KIFC3: variants seen among roughly 807,000 people sequenced by gnomAD.
The protein encoded by KIFC3 is kinesin-like protein KIFC3.
A neutral mutation model predicts 101.8 loss-of-function variants in KIFC3; 60 were observed. The observed-to-expected ratio is 0.59, with a 90% CI of 0.48 to 0.73. The LOEUF is 0.73. Among genes scored for constraint, KIFC3 ranks in the 30% least tolerant of loss-of-function variants. The pLI is 0.00. For missense variants in KIFC3, 966 were observed against 1,137.1 expected, an observed-to-expected ratio of 0.85 and a Z score of 2.16; for synonymous variants, 476 against 482.7, an observed-to-expected ratio of 0.99 and a Z score of 0.18.
rs879948067 is a variant in KIFC3, at chr16:57,829,248, CTTTG to C, written c.109-30970_109-30967del. Among the ~76,000 whole-genome samples the C allele has an allele frequency of 4.0e-5, 6 of 151,670 alleles. No homozygotes were observed. The South Asian group carries it at 6.2e-4, about 16-fold the overall frequency. ...TTTAGTTTTTAAAATTAAGAATAACCTTTGTTTGTTTGTTTGTTTTTTGGAGACA... is the reference window on the plus strand; with the variant it reads ...TTTAGTTTTTAAAATTAAGAATAACCTTTGTTTGTTTGTTTTTTGGAGACA... On this transcript the variant is annotated intron_variant, in intron 1 of 2. Transcript: ENST00000563028.
chr16:57,764,275 T>TGGGGGGGGGGGGGGGGGGGTGGGG, intron 11 of KIFC3, 28 bp from the exon 12 acceptor site: 1 of 539,936 alleles, frequency 1.9e-6, no homozygotes, highest in Non-Finnish European at 3.5e-6. Flanking sequence ...GGGAGGCTGG[T>TGGGGGGGGGGGGGGGGGGGTGGGG]GGGGGGGCTT....
intron 19 of KIFC3, 75 bp from the exon 20 acceptor site, chr16:57,758,984 G>A: frequency 1.3e-6 from 2 of 1,541,316 alleles, no homozygotes. Context: ...ACCGAGAGCA[G>A]GAGGGAACCC....
chr16:57,770,899 G>C (rs1282963143), intron 6 of KIFC3, among the ~76,000 whole-genome samples, 199 bp from the exon 7 acceptor site: 2 of 152,156 alleles, frequency 1.3e-5, no homozygotes, highest in Non-Finnish European at 2.9e-5. Context: ...TTAACAAGAG[G>C]CTACTATGAG....
At chr16:57,821,273 C>T (rs1057318476) in intron 1 of KIFC3, among the ~76,000 whole-genome samples, 6 of 151,952 alleles carry the variant, frequency 3.9e-5, no homozygotes, top group African/African-American at 7.3e-5. Flanking sequence ...ATTGGGAGAG[C>T]GAAGAGGGGT....
intron 1 of KIFC3, among the ~76,000 whole-genome samples, chr16:57,842,558 A>T (rs549004080): frequency 1.3e-5 from 2 of 152,346 alleles, no homozygotes; most frequent in East Asian, 3.9e-4. Flanking sequence ...ATAATAATTC[A>T]ATAATTCAAT....
chr16:57,828,764 A>G (rs985951245), intron 1 of KIFC3, among the ~76,000 whole-genome samples: 8 of 152,088 alleles, frequency 5.3e-5, no homozygotes, highest in African/African-American at 1.9e-4. Flanking sequence ...CCCACTCCCT[A>G]CAGGAGGCAC....
In KIFC3 at chr16:57,765,658, G is replaced by A; in HGVS notation, c.1331-18C>T. On this transcript the variant is annotated intron_variant, in intron 10 of 19. Coordinates refer to ENST00000445690, the MANE Select transcript of KIFC3 (RefSeq NM_001130100.2). ...GATGTTCCCTGGATTGGTTGGGGAT[G>A]GGGAAATGGGTCCAGGCCATGTCAA... The A allele has an allele frequency of 6.2e-7, 1 of 1,600,174 alleles. No homozygotes were observed. Among genetic ancestry groups the A allele is most frequent in the African/African-American group, 1.3e-5 (1 of 74,926 alleles).
intron 9 of KIFC3, among the ~76,000 whole-genome samples, chr16:57,768,989 A>G (rs1251042277): frequency 2.0e-5 from 3 of 152,160 alleles, no homozygotes; most frequent in Non-Finnish European, 4.4e-5. Context: ...CAACATAATG[A>G]ACCCTGTCTC....
At chr16:57,815,604 A>C in intron 1 of KIFC3, 1 of 1,289,816 alleles carries the variant, frequency 7.8e-7, no homozygotes, top group African/African-American at 1.5e-5. Context: ...GTGCCCCCAC[A>C]TGGCTGCTGC....
At chr16:57,802,939 A>G, upstream of KIFC3, 1 of 1,529,318 alleles carries the variant, frequency 6.5e-7, no homozygotes, top group East Asian at 2.4e-5. This position sits in a 1 kb window ranked among gnomAD's most constrained non-coding sequence, Gnocchi z 5.0. Context: ...CCATCCCAAC[A>G]CACACACAAG....
At chr16:57,838,202 C>T (rs2055734991) in intron 1 of KIFC3, among the ~76,000 whole-genome samples, 1 of 152,138 alleles carries the variant, frequency 6.6e-6, no homozygotes, top group South Asian at 2.1e-4. Flanking sequence ...AGCAGCTTCC[C>T]AAGCCTCGCA....
intron 1 of KIFC3, among the ~76,000 whole-genome samples, chr16:57,850,879 C>A (rs1278703584): frequency 6.6e-6 from 1 of 152,034 alleles, no homozygotes; most frequent in Non-Finnish European, 1.5e-5. Context: ...ATATTCTCTG[C>A]CCTTTCTTTG....
chr16:57,823,676 T>A (rs1192143826), intron 1 of KIFC3, among the ~76,000 whole-genome samples: 1 of 151,988 alleles, frequency 6.6e-6, no homozygotes, highest in Non-Finnish European at 1.5e-5. Flanking sequence ...CACTGCAACC[T>A]CCACCCCCCA....
chr16:57,806,681 A>T (rs563753907), upstream of KIFC3, among the ~76,000 whole-genome samples: 1 of 152,236 alleles, frequency 6.6e-6, no homozygotes, highest in African/African-American at 2.4e-5. Context: ...AATTTCTACC[A>T]AAAGGAAGTA....
intron 2 of KIFC3, among the ~76,000 whole-genome samples, chr16:57,796,019 G>A (rs782387780): frequency 8.7e-5 from 13 of 148,850 alleles, no homozygotes; most frequent in Non-Finnish European, 1.6e-4. Context: ...TCAGCCTCCC[G>A]AGTAGCTGGG....
chr16:57,771,574 G>A lies in KIFC3; in HGVS notation c.494C>T (p.Ala165Val), dbSNP rs2051212728. The change falls in exon 5 of 20, where the codon GCA (alanine) becomes GTA (valine). Residue 165 changes from alanine to valine, a missense_variant. Transcript: ENST00000445690. ...AELQELRTKP[A>V]GPCPGCEHSQ... ...GTGCTCACAACCTGGGCAGGGACCT[G>A]CTGGCTTTGTGCGCAGCTCTTGCAG... 2 of 1,613,448 alleles carry A rather than the reference G, an allele frequency of 1.2e-6. No individual in the cohort carries two copies. The highest frequency in any genetic ancestry group is 1.7e-6 in the Non-Finnish European group (2 of 1,179,986).
intron 1 of KIFC3, 120 bp from the exon 2 acceptor site, chr16:57,798,402 C>G: frequency 1.1e-6 from 1 of 869,970 alleles, no homozygotes; most frequent in Non-Finnish European, 1.8e-6. Context: ...CCCAGCGCAG[C>G]AGCTCCAACT....
At chr16:57,786,696 C>G (rs932321163) in intron 3 of KIFC3, among the ~76,000 whole-genome samples, 4 of 152,136 alleles carry the variant, frequency 2.6e-5, no homozygotes, top group Non-Finnish European at 4.4e-5. Flanking sequence ...CCCCAGGAAA[C>G]CCAGCCCTCG....
Position 57,780,135 on chromosome 16 carries a change from G to A in KIFC3, c.316-7847C>T, listed in dbSNP as rs147817822. Among the ~76,000 whole-genome samples, 41 of 152,320 alleles carry A rather than the reference G, an allele frequency of 2.7e-4. 1 individual carries two copies. The highest frequency in any genetic ancestry group is 9.6e-4 in the African/African-American group (40 of 41,584). On this transcript the variant is annotated intron_variant, in intron 3 of 19. Transcript: ENST00000445690. ...TTACAATTCGAGATGAAATTTGGGT[G>A]GGGACACAGAGCCAAACTGTATCAG...
Sources: allele counts gnomAD v4.1 joint callset (sites outside exome capture counted in the v4.1 genomes callset), GRCh38; gene constraint gnomAD v4.1.1; non-coding constraint Gnocchi (gnomAD v3.1); transcripts MANE v1.5; gene names NCBI Gene and HGNC (gene_info 2026-07-23, HGNC 2026-07-21).